Variants in ARHGEF37 observed in about 807,000 individuals in gnomAD.
ARHGEF37 encodes Rho guanine nucleotide exchange factor 37.
ARHGEF37 carries 55 observed loss-of-function variants against 71.1 expected under a neutral mutation model. That is an observed-to-expected ratio of 0.77 (90% confidence interval 0.62 to 0.97). ARHGEF37 has a LOEUF of 0.97. Among genes scored for constraint, ARHGEF37 ranks in the 50% least tolerant of loss-of-function variants. The pLI is 0.00. For missense variants in ARHGEF37, 765 were observed against 836.8 expected, an observed-to-expected ratio of 0.91 and a Z score of 1.06; for synonymous variants, 327 against 350.6, an observed-to-expected ratio of 0.93 and a Z score of 0.75.
chr5:149,612,991 C>A (rs551270199), intron 4 of ARHGEF37, among the ~76,000 whole-genome samples: 2 of 152,328 alleles, frequency 1.3e-5, no homozygotes, highest in East Asian at 1.9e-4. Context: ...GGGCAGGAAG[C>A]TCTGCCCTAG....
intron 4 of ARHGEF37, among the ~76,000 whole-genome samples, chr5:149,612,369 G>A (rs537411043): frequency 3.3e-5 from 5 of 152,152 alleles, no homozygotes; most frequent in African/African-American, 4.8e-5. Flanking sequence ...GGGTTTCACC[G>A]TGTTAGCCAG....
At chr5:149,624,900 G>T (rs150240628) in intron 10 of ARHGEF37, among the ~76,000 whole-genome samples, 22 of 134,058 alleles carry the variant, frequency 1.6e-4, no homozygotes, top group South Asian at 2.3e-4. Context: ...ATGCTTTTGG[G>T]TTTTTTTTTT....
intron 3 of ARHGEF37, among the ~76,000 whole-genome samples, chr5:149,602,492 A>ATT (rs71587783): frequency 8.3e-5 from 12 of 144,946 alleles, no homozygotes; most frequent in African/African-American, 2.3e-4. Flanking sequence ...CTTTGGTTTA[A>ATT]TTTTTTTTTT....
intron 1 of ARHGEF37, among the ~76,000 whole-genome samples, chr5:149,554,134 C>T (rs530267247): frequency 1.3e-5 from 2 of 152,214 alleles, no homozygotes; most frequent in Admixed American, 1.3e-4. Flanking sequence ...TGCCACTGCA[C>T]TCCGGCCTGG....
At chr5:149,577,820 T>C (rs1325523044), upstream of ARHGEF37, among the ~76,000 whole-genome samples, 3 of 152,260 alleles carry the variant, frequency 2.0e-5, no homozygotes, top group Non-Finnish European at 2.9e-5. Context: ...AGCAGGGCCC[T>C]GGATCTCATT....
rs1300457727 is a variant in ARHGEF37 at position 149,634,923 on chromosome 5, G to A, written c.*2732G>A. The A allele has an allele frequency of 6.6e-6, 1 of 152,248 alleles. No homozygotes were observed. The highest frequency in any genetic ancestry group is 2.4e-5 in the African/African-American group (1 of 41,432). 9.4% of individuals were successfully genotyped at this position (152,248 alleles called of 1,614,324 possible). On this transcript the variant is annotated 3_prime_UTR_variant, in exon 13 of 13. Coordinates refer to ENST00000333677, the MANE Select transcript of ARHGEF37 (RefSeq NM_001001669.3). ...AATATGACGAACCCCAGCTCAATGA[G>A]TAACTGATGTGAACTGCTGGGAATA...
chr5:149,585,788 G>A (rs1192137540), intron 1 of ARHGEF37, among the ~76,000 whole-genome samples: 3 of 152,180 alleles, frequency 2.0e-5, no homozygotes, highest in African/African-American at 7.2e-5. Flanking sequence ...CAAAGTGCTC[G>A]GATTACAAGT....
intron 1 of ARHGEF37, among the ~76,000 whole-genome samples, chr5:149,593,019 C>T (rs1763455556): frequency 6.6e-6 from 1 of 152,198 alleles, no homozygotes; most frequent in Non-Finnish European, 1.5e-5. Context: ...ATCCACCCAC[C>T]TCAGCCTTCC....
chr5:149,560,050 T>C (rs1267717296), intron 1 of ARHGEF37, among the ~76,000 whole-genome samples: 1 of 152,208 alleles, frequency 6.6e-6, no homozygotes, highest in Non-Finnish European at 1.5e-5. Context: ...AGAATAGATG[T>C]CTTCGGAATC....
intron 1 of ARHGEF37, among the ~76,000 whole-genome samples, chr5:149,554,286 A>C (rs1369305323): frequency 2.0e-5 from 3 of 152,202 alleles, no homozygotes; most frequent in African/African-American, 7.2e-5. Flanking sequence ...GCTATGATCA[A>C]ACCACAGCAT....
At chr5:149,627,348 C>A in intron 11 of ARHGEF37, 77 bp downstream of exon 11, 1 of 1,501,546 alleles carries the variant, frequency 6.7e-7, no homozygotes, top group Non-Finnish European at 9.0e-7. Context: ...GACCCGGGCA[C>A]TCTTGTGGGT....
At chr5:149,614,465 G>A (rs560481913) in intron 4 of ARHGEF37, among the ~76,000 whole-genome samples, 1 of 152,294 alleles carries the variant, frequency 6.6e-6, no homozygotes, top group Admixed American at 6.5e-5. Context: ...TAGAAAGTCT[G>A]TAAATGTGAG....
Position 149,601,128 on chromosome 5 carries a change from T to C in ARHGEF37, c.207T>C (p.Asp69=). Residue 69 remains aspartate, a synonymous_variant, in exon 3 of 13, where the codon GAT becomes GAC. Transcript: ENST00000333677. ...RLQQLPQGDL[D]VLFSNIDDII... is the part of the protein sequence containing the mutation. ...TCCAGTTGCCGCAGGGAGATCTGGA[T>C]GTCCTGTTCTCAAACATTGATGATA... 6.2e-7 allele frequency: 1 copy of C among 1,612,356 alleles called. No individual in the cohort carries two copies. Among genetic ancestry groups the C allele is most frequent in the Non-Finnish European group, 8.5e-7 (1 of 1,178,584 alleles).
chr5:149,627,212 C>G lies in ARHGEF37; in HGVS notation c.1601C>G (p.Ala534Gly), dbSNP rs758558572. The change falls in exon 11 of 13, where the codon GCC (alanine) becomes GGC (glycine). Residue 534 changes from alanine to glycine, a missense_variant. This residue lies in a region of ARHGEF37 where 390 missense variants were observed against 407.4 expected (regional missense o/e 0.96). Transcript: ENST00000333677. Reference sequence around the variant, plus strand: ...ACTCTGCCTCGGGGCCAAATCGTGGCCATCCTTCAAAACAAGGACACCAAA... The same window carrying G: ...ACTCTGCCTCGGGGCCAAATCGTGGGCATCCTTCAAAACAAGGACACCAAA... ...DLTLPRGQIVAILQNKDTKGN... is the reference protein window; with the variant it reads ...DLTLPRGQIVGILQNKDTKGN... The G allele has an allele frequency of 5.0e-6, 8 of 1,613,964 alleles. No homozygotes were observed. The East Asian group carries it at 1.8e-4, about 36-fold the overall frequency.
intron 4 of ARHGEF37, among the ~76,000 whole-genome samples, chr5:149,614,816 AT>A (rs1752329413): frequency 6.6e-6 from 1 of 152,074 alleles, no homozygotes; most frequent in African/African-American, 2.4e-5. Flanking sequence ...TTTCCTGGAC[AT>A]TTGGTCTGGA....
intron 1 of ARHGEF37, among the ~76,000 whole-genome samples, chr5:149,560,957 T>C (rs958720984): frequency 6.6e-6 from 1 of 152,006 alleles, no homozygotes; most frequent in Non-Finnish European, 1.5e-5. Flanking sequence ...CCGCAAAACA[T>C]ACCAATAGAT....
chr5:149,602,407 G>C (rs566558912), intron 3 of ARHGEF37, among the ~76,000 whole-genome samples: 4 of 152,104 alleles, frequency 2.6e-5, no homozygotes, highest in Middle Eastern at 6.4e-3. Context: ...GGATTATGAG[G>C]GGGTGGTGAG....
At chr5:149,565,570 C>T (rs1762887593) in intron 1 of ARHGEF37, among the ~76,000 whole-genome samples, 1 of 152,168 alleles carries the variant, frequency 6.6e-6, no homozygotes, top group South Asian at 2.1e-4. Context: ...TAGGTGGCCA[C>T]CAGCAATGAT....
chr5:149,591,774 G>A (rs1317101304), intron 1 of ARHGEF37, among the ~76,000 whole-genome samples: 1 of 152,076 alleles, frequency 6.6e-6, no homozygotes, highest in Admixed American at 6.5e-5. Context: ...TCTAGATATT[G>A]AACACTTTGT....
Sources: gnomAD v4.1 joint callset for allele counts (sites outside exome capture counted in the v4.1 genomes callset) on GRCh38, gnomAD v4.1.1 for gene constraint, gnomAD v4.1.1 regional missense constraint, MANE v1.5 for transcripts, NCBI Gene and HGNC (gene_info 2026-07-23, HGNC 2026-07-21) for gene names.